The following CBLB variants were observed in gnomAD, a reference collection of about 807,000 sequenced individuals.
CBLB encodes the protein E3 ubiquitin-protein ligase CBL-B.
A neutral mutation model predicts 104.9 loss-of-function variants in CBLB; 31 were observed. That is an observed-to-expected ratio of 0.30 (90% CI 0.22 to 0.40). CBLB has a LOEUF of 0.40. Ranked by LOEUF, CBLB falls within the 10% of genes least tolerant of loss-of-function variation. The pLI is 1.00. For missense variants in CBLB, 1,062 were observed against 1,214.6 expected, an observed-to-expected ratio of 0.87 and a Z score of 1.87; for synonymous variants, 440 against 422.6, an observed-to-expected ratio of 1.04 and a Z score of -0.51.
intron 12 of CBLB, among the ~76,000 whole-genome samples, chr3:105,698,605 C>CAAAAAAAA (rs34896633): frequency 2.5e-5 from 2 of 80,814 alleles, no homozygotes; most frequent in African/African-American, 4.9e-5. Context: ...ACCATTTGAC[C>CAAAAAAAA]AAAAAAAAAA....
At chr3:105,841,151 C>T (rs1232219842) in intron 3 of CBLB, among the ~76,000 whole-genome samples, 1 of 151,778 alleles carries the variant, frequency 6.6e-6, no homozygotes, top group Non-Finnish European at 1.5e-5. Flanking sequence ...AAACAATTAG[C>T]TCTGCATGGT....
chr3:105,693,447 A>G lies in CBLB; in HGVS notation c.2054+47T>C, dbSNP rs201769371. On this transcript the variant is annotated intron_variant, in intron 13 of 18. Transcript: ENST00000394030. ...GAGAACCTCTCAAAACCACTCTACC[A>G]TATCTTGATGCATAGACAAGTGATC... 104 of 1,204,722 alleles carry G rather than the reference A, an allele frequency of 8.6e-5. No individual in the cohort carries two copies. The East Asian group carries it at 2.3e-3, about 26-fold the overall frequency. 74.6% of individuals were successfully genotyped at this position (1,204,722 alleles called of 1,614,324 possible).
intron 5 of CBLB, among the ~76,000 whole-genome samples, chr3:105,750,159 C>CAGGT (rs937949757): frequency 6.6e-6 from 1 of 152,094 alleles, no homozygotes; most frequent in African/African-American, 2.4e-5. Flanking sequence ...GCTGGGACTA[C>CAGGT]AGGTGCTCAT....
chr3:105,749,749 G>A, intron 5 of CBLB: 2 of 322,318 alleles, frequency 6.2e-6, no homozygotes, highest in Non-Finnish European at 1.2e-5. Context: ...AAGATATTCT[G>A]TAAAATTATC....
intron 3 of CBLB, among the ~76,000 whole-genome samples, chr3:105,782,259 C>A (rs773415675): frequency 6.6e-6 from 1 of 152,072 alleles, no homozygotes; most frequent in Admixed American, 6.6e-5. Context: ...GTTCAAATAC[C>A]AATAAAGACT....
In CBLB at chr3:105,858,603, G is replaced by A. The variant is rs114512791; in HGVS notation, c.169-4939C>T. 2.3e-3 allele frequency among the ~76,000 whole-genome samples: 347 copies of A among 152,220 alleles called. 2 individuals carry two copies. The highest frequency in any genetic ancestry group is 8.1e-3 in the African/African-American group (337 of 41,544). ...GCACCGATTGGTGCATAAAAGAATT[G>A]GTTCAATAGCAATATTGCTCTTTTC... On this transcript the variant is annotated intron_variant, in intron 2 of 18. Transcript: ENST00000394030.
At chr3:105,728,582 G>A (rs1356765003) in intron 9 of CBLB, among the ~76,000 whole-genome samples, 1 of 152,166 alleles carries the variant, frequency 6.6e-6, no homozygotes, top group African/African-American at 2.4e-5. Context: ...GTTCAGGGTT[G>A]AGAAGATAAA....
At chr3:105,696,926 C>T (rs1576414082) in intron 12 of CBLB, among the ~76,000 whole-genome samples, 1 of 151,892 alleles carries the variant, frequency 6.6e-6, no homozygotes, top group African/African-American at 2.4e-5. Flanking sequence ...GTCATACCTA[C>T]AAAAACAACA....
intron 10 of CBLB, among the ~76,000 whole-genome samples, chr3:105,717,098 G>C (rs1390199837): frequency 6.6e-6 from 1 of 152,090 alleles, no homozygotes; most frequent in Non-Finnish European, 1.5e-5. Flanking sequence ...TAATTCAATG[G>C]AAAGCAGGTT....
intron 3 of CBLB, among the ~76,000 whole-genome samples, chr3:105,823,380 T>C (rs2086144689): frequency 6.6e-6 from 1 of 152,146 alleles, no homozygotes; most frequent in South Asian, 2.1e-4. Flanking sequence ...TGGCTTCCCC[T>C]CCAGACTGAA....
intron 9 of CBLB, among the ~76,000 whole-genome samples, chr3:105,733,358 A>T (rs75694902): frequency 6.8e-6 from 1 of 147,334 alleles, no homozygotes; most frequent in Non-Finnish European, 1.5e-5. Flanking sequence ...CTCTGTCTCA[A>T]AAAAAAAAAA....
Position 105,681,461 on chromosome 3 carries a change from T to C in CBLB, c.2428+18A>G, listed in dbSNP as rs1559798433. 1.9e-6 allele frequency: 3 copies of C among 1,613,514 alleles called. No homozygotes were observed. The highest frequency in any genetic ancestry group is 1.7e-5 in the Admixed American group (1 of 60,026). ...GAAGGAGGGGTGGGTTGTTCAAAAC[T>C]TTTTTAAAGGTTTCAACCTAATGGA... On this transcript the variant is annotated intron_variant, in intron 16 of 18. Transcript: ENST00000394030.
chr3:105,774,690 T>TA (rs1298001788), intron 4 of CBLB, among the ~76,000 whole-genome samples: 1 of 152,054 alleles, frequency 6.6e-6, no homozygotes, highest in African/African-American at 2.4e-5. Context: ...TAAAGGGAAA[T>TA]AAAGATGTCT....
chr3:105,781,063 C>G (rs1216777740), intron 3 of CBLB, among the ~76,000 whole-genome samples: 1 of 151,954 alleles, frequency 6.6e-6, no homozygotes, highest in Non-Finnish European at 1.5e-5. Context: ...TTAGAGGAGG[C>G]TTGAAGAAGA....
rs199535176 is a variant in CBLB, at chr3:105,685,471, C to A, written c.2055-5G>T. 5.6e-6 allele frequency: 9 copies of A among 1,611,480 alleles called. No homozygotes were observed. Among genetic ancestry groups the A allele is most frequent in the African/African-American group, 1.3e-5 (1 of 74,792 alleles). On this transcript the variant is annotated splice_polypyrimidine_tract_variant and splice_region_variant and intron_variant, in intron 13 of 18. Coordinates refer to ENST00000394030, the MANE Select transcript of CBLB (RefSeq NM_170662.5). ...TTTGCTAACGGACCAGTACACCTAC[C>A]AGGGGAAAAAAAATCCAATCTAGTT...
chr3:105,816,844 C>T (rs896202812), intron 3 of CBLB, among the ~76,000 whole-genome samples: 3 of 151,950 alleles, frequency 2.0e-5, no homozygotes, highest in African/African-American at 7.3e-5. Flanking sequence ...TTAATGGAAC[C>T]TACTTTTAAT....
chr3:105,741,686 C>T (rs911677870), intron 6 of CBLB, among the ~76,000 whole-genome samples: 11 of 151,970 alleles, frequency 7.2e-5, no homozygotes, highest in South Asian at 2.1e-4. Context: ...TGAGCCACCG[C>T]GCCTGGCCAA....
chr3:105,740,045 G>A (rs1440967197), intron 7 of CBLB, among the ~76,000 whole-genome samples: 1 of 152,192 alleles, frequency 6.6e-6, no homozygotes. Context: ...GGAGGTTGCA[G>A]TGAGCAGAGA....
chr3:105,856,756 C>G (rs1344889719), intron 2 of CBLB, among the ~76,000 whole-genome samples: 1 of 152,146 alleles, frequency 6.6e-6, no homozygotes, highest in Admixed American at 6.5e-5. Flanking sequence ...GATGTCATCT[C>G]ATTTACTAAA....
Sources: allele counts gnomAD v4.1 joint callset (sites outside exome capture counted in the v4.1 genomes callset), GRCh38; gene constraint gnomAD v4.1.1; transcripts MANE v1.5; gene names NCBI Gene and HGNC (gene_info 2026-07-23, HGNC 2026-07-21).